DOCK6: variants seen among roughly 807,000 people sequenced by gnomAD.
DOCK6 encodes dedicator of cytokinesis protein 6.
In DOCK6, 167 loss-of-function variants were observed where a neutral mutation model predicts 230.3. The observed-to-expected ratio is 0.73, with a 90% CI of 0.64 to 0.82. The LOEUF (loss-of-function observed/expected upper bound fraction) is 0.82. DOCK6 is among the 40% of genes least tolerant of loss of function. DOCK6 has a pLI of 0.00. For missense variants in DOCK6, 2,598 were observed against 2,825.8 expected (o/e 0.92, Z 1.83); for synonymous variants, 1,148 against 1,185.0 (o/e 0.97, Z 0.64).
intron 1 of DOCK6, among the ~76,000 whole-genome samples, chr19:11,260,130 G>T (rs1163886494): frequency 6.6e-6 from 1 of 152,036 alleles, no homozygotes; most frequent in Non-Finnish European, 1.5e-5. Context: ...GTGCCCAAGA[G>T]CGAAGTTGCT....
intron 35 of DOCK6, 38 bp from the exon 36 acceptor site, chr19:11,212,189 T>TCAGACCC (rs2079399607): frequency 1.9e-6 from 3 of 1,589,638 alleles, no homozygotes; most frequent in Non-Finnish European, 2.6e-6. Context: ...GCCGGGAGTC[T>TCAGACCC]CAGACCCCAG....
In DOCK6 at chr19:11,250,336, CA is replaced by C. The variant is rs529783816; in HGVS notation, c.720+537del. 4.0e-3 allele frequency among the ~76,000 whole-genome samples: 592 copies of C among 148,318 alleles called. 4 individuals carry two copies. Among genetic ancestry groups the C allele is most frequent in the African/African-American group, 0.014 (564 of 40,032 alleles). Reference sequence around the variant, plus strand: ...AGAAGCTACTTTTTTTTTTTTGAGACAGAGTTTTGCTCTGCTGCCCAGGCTG... The same window carrying C: ...AGAAGCTACTTTTTTTTTTTTGAGACGAGTTTTGCTCTGCTGCCCAGGCTG... On this transcript the variant is annotated intron_variant, in intron 6 of 47. Coordinates refer to ENST00000294618, the MANE Select transcript of DOCK6 (RefSeq NM_020812.4).
Position 11,214,621 on chromosome 19 carries a change from A to T in DOCK6, c.4135T>A (p.Leu1379Met), listed in dbSNP as rs1487864681. The T allele has an allele frequency of 1.2e-6, 2 of 1,613,668 alleles. No individual in the cohort carries two copies. Among genetic ancestry groups the T allele is most frequent in the Non-Finnish European group, 8.5e-7 (1 of 1,179,878 alleles). ...KTKDEMEHEA[L>M]VEGNLATEAS... is the part of the protein sequence containing the mutation. ...TCGGTTGCCAGGTTCCCTTCCACCAAGGCCTCGTGTTCCATTTCATCCTTG... is the reference window on the plus strand; with the variant it reads ...TCGGTTGCCAGGTTCCCTTCCACCATGGCCTCGTGTTCCATTTCATCCTTG... Residue 1379 changes from leucine to methionine, a missense_variant, in exon 33 of 48, where the codon TTG becomes ATG. Transcript: ENST00000294618.
chr19:11,216,117 T>C (rs2079483066), intron 30 of DOCK6, 190 bp from the exon 31 acceptor site: 9 of 518,064 alleles, frequency 1.7e-5, no homozygotes, highest in Non-Finnish European at 2.9e-5. Context: ...AAACAGAGTC[T>C]CTCTCATTCT....
rs751991953 is a variant in DOCK6 at position 11,245,893 on chromosome 19, G to A, written c.807-15C>T. 2 of 1,555,276 alleles carry A rather than the reference G, an allele frequency of 1.3e-6. No homozygotes were observed. Among genetic ancestry groups the A allele is most frequent in the South Asian group, 2.4e-5 (2 of 84,246 alleles). On this transcript the variant is annotated splice_polypyrimidine_tract_variant and intron_variant, in intron 7 of 47. Coordinates refer to ENST00000294618, the MANE Select transcript of DOCK6 (RefSeq NM_020812.4). ...CAATCTCGAACCTACAAGTAAATGG[G>A]AGGGAGGGGGCTCTCCTTAACACTT...
chr19:11,215,620 G>A, intron 31 of DOCK6, 149 bp from the exon 32 acceptor site: 1 of 1,296,706 alleles, frequency 7.7e-7, no homozygotes, highest in East Asian at 2.5e-5. Flanking sequence ...GACGCACAGG[G>A]GCAAACACGA....
chr19:11,259,723 A>C (rs1298675588), intron 1 of DOCK6, among the ~76,000 whole-genome samples: 1 of 150,182 alleles, frequency 6.7e-6, no homozygotes, highest in Non-Finnish European at 1.5e-5. Context: ...ACGCTTTTGT[A>C]AATTTGTAAA....
chr19:11,243,826 C>T lies in DOCK6; in HGVS notation c.1080G>A (p.Val360=). 1 of 1,613,152 alleles carries T rather than the reference C, an allele frequency of 6.2e-7. No individual in the cohort carries two copies. The change falls in exon 10 of 48, where the codon GTG becomes GTA. Residue 360 remains valine, a synonymous_variant. Coordinates refer to ENST00000294618, the MANE Select transcript of DOCK6 (RefSeq NM_020812.4). This position sits in a 1 kb window ranked among gnomAD's most constrained non-coding sequence, Gnocchi z 6.3. The part of the protein sequence containing the change: ...DISECCEPYM[V]LKEVDTAKNK... ...CCTTGGCTGTGTCCACTTCTTTCAA[C>T]ACCATGTAAGGCTCACAGCACTCAC... is the stretch of plus-strand genomic sequence containing the variant.
rs1237266080 is a variant in DOCK6 at position 11,199,454 on chromosome 19, C to G, written c.*43G>C. On this transcript the variant is annotated 3_prime_UTR_variant, in exon 48 of 48. Coordinates refer to ENST00000294618, the MANE Select transcript of DOCK6 (RefSeq NM_020812.4). Reference sequence around the variant, plus strand: ...CCCTCGCAGCACAGACAGCTGAGGCCCGGGTGCTGGTTCCTCTAGGTACAG... The same window carrying G: ...CCCTCGCAGCACAGACAGCTGAGGCGCGGGTGCTGGTTCCTCTAGGTACAG... The G allele has an allele frequency of 1.3e-6, 2 of 1,558,240 alleles. No homozygotes were observed. The highest frequency in any genetic ancestry group is 1.2e-5 in the South Asian group (1 of 84,406).
At chr19:11,250,324 T>C (rs941362593) in intron 6 of DOCK6, among the ~76,000 whole-genome samples, 5 of 150,616 alleles carry the variant, frequency 3.3e-5, no homozygotes, top group Admixed American at 6.6e-5. Context: ...AGCTACTTTT[T>C]TTTTTTTGAG....
At chr19:11,238,360 C>T in intron 14 of DOCK6, 56 bp from the exon 15 acceptor site, 1 of 1,497,300 alleles carries the variant, frequency 6.7e-7, no homozygotes, top group Admixed American at 1.9e-5. Context: ...GGTGCACATA[C>T]AAGGCTGGGG....
Position 11,202,865 on chromosome 19 carries a change from A to G in DOCK6, c.5236-156T>C. The G allele has an allele frequency of 8.2e-7, 1 of 1,218,090 alleles. No homozygotes were observed. Among genetic ancestry groups the G allele is most frequent in the Non-Finnish European group, 1.2e-6 (1 of 852,536 alleles). The allele number at this position is 1,218,090 out of a possible 1,614,324, so 75.5% of individuals were successfully genotyped here. On this transcript the variant is annotated intron_variant, in intron 41 of 47. Transcript: ENST00000294618. The surrounding 1 kb of genome is among the most constrained non-coding windows in gnomAD (Gnocchi z 5.3). ...CAGGGGGCCCTGAGAACATTGGGGCATGGATTGCAATAGGAAGTTAGGACT... is the reference window on the plus strand; with the variant it reads ...CAGGGGGCCCTGAGAACATTGGGGCGTGGATTGCAATAGGAAGTTAGGACT...
Position 11,251,076 on chromosome 19 carries a change from C to T in DOCK6, c.518G>A (p.Arg173Gln), listed in dbSNP as rs373956807. ...GTCTTCCGGGGAGCCCGAGCCACGC[C>T]GGGAGTCATTCTGCCAGTGGAGAAT... is the stretch of plus-strand genomic sequence containing the variant. ...RSGPEDSNDS[R>Q]RGSGSPEDTP... The change falls in exon 6 of 48, where the codon CGG becomes CAG. Residue 173 changes from arginine (R) to glutamine (Q), a missense_variant. By Grantham distance (43) the Arg-to-Gln change is conservative. Transcript: ENST00000294618. The T allele has an allele frequency of 1.0e-4, 165 of 1,610,880 alleles. No individual in the cohort carries two copies. In the African/African-American group the frequency reaches 1.4e-3, roughly 13 times the overall value.
chr19:11,238,016 C>T lies in DOCK6; in HGVS notation c.1832+29G>A, dbSNP rs181246418. 5 of 1,612,928 alleles carry T rather than the reference C, an allele frequency of 3.1e-6. No individual in the cohort carries two copies. The East Asian group carries it at 8.9e-5, about 29-fold the overall frequency. On this transcript the variant is annotated intron_variant, in intron 16 of 47. Transcript: ENST00000294618. ...CATCCTCCTACCCCCATGAGTGCCC[C>T]CAAGTTCCTCACGTGTCCCCCTACA...
chr19:11,243,263 TAAAG>T lies in DOCK6; in HGVS notation c.1377_1380del (p.Phe459LeufsTer20). ...CTGGCCCCAGGGTAGGACACCTGCT[TAAAG>T]AAGTTTGTGACAGTTAGCGTGGCTG... On this transcript the variant is annotated frameshift_variant, in exon 12 of 48. Coordinates refer to ENST00000294618, the MANE Select transcript of DOCK6 (RefSeq NM_020812.4). LOFTEE classifies it high-confidence loss of function. The surrounding 1 kb of genome is among the most constrained non-coding windows in gnomAD (Gnocchi z 6.3). 3.7e-6 allele frequency: 6 copies of T among 1,611,884 alleles called. No homozygotes were observed. The highest frequency in any genetic ancestry group is 5.1e-6 in the Non-Finnish European group (6 of 1,179,092).
Position 11,252,098 on chromosome 19 carries a change from C to T in DOCK6, c.507+21G>A, listed in dbSNP as rs757680695. The T allele has an allele frequency of 1.9e-5, 30 of 1,581,820 alleles. No homozygotes were observed. In the East Asian group the frequency reaches 6.9e-4, roughly 37 times the overall value. ...CCTCCACACATACCCCTTCAGTGAC[C>T]CCAGCCAGGGGCTTCCTCACCGAGT... On this transcript the variant is annotated intron_variant, in intron 5 of 47. Transcript: ENST00000294618.
At chr19:11,237,419 A>G in intron 18 of DOCK6, 37 bp downstream of exon 18, 1 of 1,609,780 alleles carries the variant, frequency 6.2e-7, no homozygotes, top group Non-Finnish European at 8.5e-7. Context: ...GCTTCTGGGG[A>G]CAGTGCATTG....
rs2147738115 is a variant in DOCK6, at chr19:11,210,606, C to T, written c.4751+1170G>A. 2.0e-5 allele frequency among the ~76,000 whole-genome samples: 3 copies of T among 148,268 alleles called. No homozygotes were observed. The Middle Eastern group carries it at 0.011, about 545-fold the overall frequency. On this transcript the variant is annotated intron_variant, in intron 37 of 47. Coordinates refer to ENST00000294618, the MANE Select transcript of DOCK6 (RefSeq NM_020812.4). Reference sequence around the variant, plus strand: ...CCTGTCCATCCCTTCACCTGTCCATCCCTTCACCTGTCTGTCCCCTCACCT... The same window carrying T: ...CCTGTCCATCCCTTCACCTGTCCATTCCTTCACCTGTCTGTCCCCTCACCT...
rs1290115216 is a variant in DOCK6, at chr19:11,215,010, T to C, written c.4107-361A>G. Among the ~76,000 whole-genome samples, 7 of 151,030 alleles carry C rather than the reference T, an allele frequency of 4.6e-5. No homozygotes were observed. In the East Asian group the frequency reaches 1.4e-3, roughly 29 times the overall value. ...CAGGCTGGAGTGCAGTGGCGCGATC[T>C]CGGCTCACTGTAAGCTCCGCCTCCC... On this transcript the variant is annotated intron_variant, in intron 32 of 47. Transcript: ENST00000294618.
Sources: gnomAD v4.1 joint callset for allele counts (sites outside exome capture counted in the v4.1 genomes callset) on GRCh38, gnomAD v4.1.1 for gene constraint, Gnocchi (gnomAD v3.1) non-coding constraint, MANE v1.5 for transcripts, NCBI Gene and HGNC (gene_info 2026-07-23, HGNC 2026-07-21) for gene names.